GNB1: variants seen among roughly 807,000 people sequenced by gnomAD.
GNB1 encodes the protein G protein subunit beta 1, also known as guanine nucleotide-binding protein G(I)/G(S)/G(T) subunit beta-1.
In GNB1, 2 loss-of-function variants were observed where a neutral mutation model predicts 42.9. The observed-to-expected ratio is 0.05, with a 90% CI of 0.02 to 0.15. GNB1 has a LOEUF of 0.15. Among genes scored for constraint, GNB1 ranks in the 10% least tolerant of loss-of-function variants. The probability of loss-of-function intolerance (pLI) is 1.00; values close to 1 mark genes in which losing one functional copy is unlikely to be tolerated. For synonymous variants in GNB1, 183 were observed against 174.7 expected, an observed-to-expected ratio of 1.05 and a Z score of -0.38; for missense variants, 193 against 462.2, an observed-to-expected ratio of 0.42 and a Z score of 5.34.
chr1:1,821,634 AAC>A (rs1283355266), intron 3 of GNB1, among the ~76,000 whole-genome samples: 3 of 152,210 alleles, frequency 2.0e-5, no homozygotes, highest in East Asian at 1.9e-4. Context: ...CAAAGGAACT[AAC>A]ACAGCGCGGT....
At chr1:1,805,987 A>G (rs1368805990) in intron 6 of GNB1, among the ~76,000 whole-genome samples, 4 of 152,262 alleles carry the variant, frequency 2.6e-5, no homozygotes, top group Admixed American at 2.0e-4. Flanking sequence ...ACTGAATTAC[A>G]TCTTTTACAT....
intron 5 of GNB1, among the ~76,000 whole-genome samples, chr1:1,809,678 G>A (rs576487850): frequency 1.3e-5 from 2 of 152,254 alleles, no homozygotes; most frequent in South Asian, 2.1e-4. Context: ...CTTAATAACT[G>A]CTGACTTCCA....
intron 1 of GNB1, among the ~76,000 whole-genome samples, chr1:1,880,117 G>A (rs983667987): frequency 3.9e-5 from 6 of 151,982 alleles, no homozygotes; most frequent in Admixed American, 2.0e-4. Context: ...TTTTTTTGTA[G>A]AGATGGGGTC....
At chr1:1,793,586 A>C in intron 7 of GNB1, 1 of 285,576 alleles carries the variant, frequency 3.5e-6, no homozygotes, top group Non-Finnish European at 6.8e-6. Context: ...TGAAACATAC[A>C]CATCTTTCAT....
At chr1:1,885,459 C>T (rs184956692) in intron 1 of GNB1, among the ~76,000 whole-genome samples, 2 of 150,744 alleles carry the variant, frequency 1.3e-5, no homozygotes, top group Non-Finnish European at 1.5e-5. Context: ...TAATCTTAAT[C>T]TGGTCTTTTA....
At chr1:1,886,935 G>A (rs377256108) in intron 1 of GNB1, among the ~76,000 whole-genome samples, 2 of 152,154 alleles carry the variant, frequency 1.3e-5, no homozygotes, top group East Asian at 1.9e-4. Flanking sequence ...GGGTGGTCTC[G>A]ATCTCCTGAC....
chr1:1,851,414 GAAAAAAAA>G (rs61558279), intron 1 of GNB1, among the ~76,000 whole-genome samples: 27 of 118,784 alleles, frequency 2.3e-4, no homozygotes, highest in Admixed American at 1.2e-3. Context: ...CCATCTCAAA[GAAAAAAAA>G]AAAAAAAAAT....
intron 2 of GNB1, among the ~76,000 whole-genome samples, chr1:1,833,177 C>G (rs991042036): frequency 3.9e-5 from 6 of 152,100 alleles, no homozygotes; most frequent in African/African-American, 1.2e-4. Flanking sequence ...AAGTCCAAAC[C>G]GGCCCCAGTG....
chr1:1,858,860 T>C (rs1324232495), intron 1 of GNB1, among the ~76,000 whole-genome samples: 1 of 152,028 alleles, frequency 6.6e-6, no homozygotes, highest in Non-Finnish European at 1.5e-5. Context: ...GCTGCTGTGA[T>C]AAAAAAGCAA....
intron 7 of GNB1, among the ~76,000 whole-genome samples, chr1:1,797,031 A>G (rs1160605121): frequency 1.3e-5 from 2 of 152,180 alleles, no homozygotes; most frequent in Non-Finnish European, 2.9e-5. Flanking sequence ...TGGGAAGAGC[A>G]CAGCATGGGT....
In GNB1 at chr1:1,809,715, C is replaced by T. The variant is rs115936585; in HGVS notation, c.204-3177G>A. 1.2e-3 allele frequency among the ~76,000 whole-genome samples: 185 copies of T among 152,186 alleles called. 1 individual carries two copies. Among genetic ancestry groups the T allele is most frequent in the African/African-American group, 4.4e-3 (181 of 41,518 alleles). ...AGGGATTAGGGACACGTAAGCTGTCCACTGATCCTCCAGAAGGTGAGAGAA... is the reference window on the plus strand; with the variant it reads ...AGGGATTAGGGACACGTAAGCTGTCTACTGATCCTCCAGAAGGTGAGAGAA... On this transcript the variant is annotated intron_variant, in intron 5 of 11. Transcript: ENST00000378609.
intron 1 of GNB1, among the ~76,000 whole-genome samples, chr1:1,877,819 AG>A (rs1234727301): frequency 2.0e-5 from 3 of 152,208 alleles, no homozygotes; most frequent in African/African-American, 7.2e-5. Flanking sequence ...TGGCTAGAAT[AG>A]ATAGCAAGAT....
intron 8 of GNB1, among the ~76,000 whole-genome samples, chr1:1,792,176 C>A (rs1028465437): frequency 3.9e-5 from 6 of 152,108 alleles, no homozygotes; most frequent in African/African-American, 1.4e-4. Flanking sequence ...TTTAAGTGGG[C>A]TTCCGTTTAC....
At chr1:1,830,387 G>A (rs1570682384) in intron 2 of GNB1, among the ~76,000 whole-genome samples, 2 of 151,488 alleles carry the variant, frequency 1.3e-5, no homozygotes, top group African/African-American at 2.4e-5. Flanking sequence ...CAGCCTCTCC[G>A]AGTAGCTGGG....
At chr1:1,829,863 C>T (rs1457795811) in intron 2 of GNB1, among the ~76,000 whole-genome samples, 1 of 152,168 alleles carries the variant, frequency 6.6e-6, no homozygotes, top group South Asian at 2.1e-4. Context: ...CTCAGCCTCC[C>T]GAGTAGCTGG....
intron 1 of GNB1, among the ~76,000 whole-genome samples, chr1:1,870,959 G>C (rs1404843219): frequency 6.6e-6 from 1 of 151,906 alleles, no homozygotes; most frequent in Non-Finnish European, 1.5e-5. Context: ...AATAAAAACA[G>C]AACTCTCCAC....
chr1:1,808,009 T>C (rs1293980468), intron 5 of GNB1, among the ~76,000 whole-genome samples: 1 of 150,804 alleles, frequency 6.6e-6, no homozygotes, highest in Non-Finnish European at 1.5e-5. Flanking sequence ...ACGCCCGGCC[T>C]CTTTTTTTTG....
intron 2 of GNB1, among the ~76,000 whole-genome samples, chr1:1,838,928 T>C (rs1343952082): frequency 6.6e-6 from 1 of 152,176 alleles, no homozygotes; most frequent in African/African-American, 2.4e-5. Context: ...AAACCAACTT[T>C]GGCTTAAAAG....
intron 1 of GNB1, among the ~76,000 whole-genome samples, chr1:1,854,387 T>G (rs528469410): frequency 1.3e-5 from 2 of 152,336 alleles, no homozygotes; most frequent in East Asian, 3.9e-4. Context: ...TACCTCTGAA[T>G]GTGAGAGACA....
Sources: gnomAD v4.1 joint callset for allele counts (sites outside exome capture counted in the v4.1 genomes callset) on GRCh38, gnomAD v4.1.1 for gene constraint, MANE v1.5 for transcripts, NCBI Gene and HGNC (gene_info 2026-07-23, HGNC 2026-07-21) for gene names.